NUP210L: variants seen among roughly 807,000 people sequenced by gnomAD.
NUP210L encodes nucleoporin 210 like.
In NUP210L, 74 loss-of-function variants were observed where a neutral mutation model predicts 208.5. The observed-to-expected ratio is 0.35, with a 90% confidence interval of 0.29 to 0.43. NUP210L has a LOEUF of 0.43. Ranked by LOEUF, NUP210L falls within the 20% of genes least tolerant of loss-of-function variation. NUP210L has a pLI of 1.00. For synonymous variants in NUP210L, 780 were observed against 816.9 expected, an observed-to-expected ratio of 0.95 and a Z score of 0.77; for missense variants, 1,843 against 2,289.4, an observed-to-expected ratio of 0.81 and a Z score of 3.98.
intron 37 of NUP210L, among the ~76,000 whole-genome samples, chr1:153,997,353 C>T (rs1649951814): frequency 6.6e-6 from 1 of 151,332 alleles, no homozygotes; most frequent in Non-Finnish European, 1.5e-5. Context: ...GTTGCGCAGG[C>T]TTGCCTTGAG....
intron 17 of NUP210L, among the ~76,000 whole-genome samples, chr1:154,063,657 A>T (rs11264974): frequency 0.27 from 41,605 of 152,076 alleles, 5,984 homozygotes; most frequent in Admixed American, 0.37. Flanking sequence ...AAATAAATGT[A>T]TGATAAATCA....
chr1:154,058,196 C>T (rs370139966), exon 22 of NUP210L: 4 of 1,613,960 alleles, frequency 2.5e-6, no homozygotes, highest in East Asian at 4.5e-5. Flanking sequence ...CAGTCACTAA[C>T]ACAGTTTTGT....
intron 10 of NUP210L, among the ~76,000 whole-genome samples, chr1:154,124,266 A>C (rs978420326): frequency 1.3e-5 from 2 of 151,624 alleles, no homozygotes; most frequent in Non-Finnish European, 2.9e-5. Flanking sequence ...TGGCATTTAG[A>C]ATTGACATGG....
chr1:154,094,719 G>A (rs968088407), intron 15 of NUP210L, among the ~76,000 whole-genome samples: 4 of 152,142 alleles, frequency 2.6e-5, no homozygotes, highest in Admixed American at 6.6e-5. Context: ...TGTTTAGTTC[G>A]TGAACTGCTG....
At chr1:153,996,231 G>A (rs946814216) in intron 37 of NUP210L, among the ~76,000 whole-genome samples, 3 of 152,062 alleles carry the variant, frequency 2.0e-5, no homozygotes, top group African/African-American at 7.2e-5. Flanking sequence ...GGCGGAGCTA[G>A]CAGTGAACCG....
intron 14 of NUP210L, among the ~76,000 whole-genome samples, chr1:154,099,053 T>C (rs1003971914): frequency 6.6e-6 from 1 of 152,270 alleles, no homozygotes; most frequent in East Asian, 1.9e-4. Flanking sequence ...GCGCCCAGGA[T>C]TGGCCCAACT....
At chr1:154,016,449 C>T (rs918911583) in intron 33 of NUP210L, among the ~76,000 whole-genome samples, 8 of 152,026 alleles carry the variant, frequency 5.3e-5, no homozygotes, top group African/African-American at 1.9e-4. Context: ...ACCTATCTCA[C>T]CTACTCAAGA....
intron 7 of NUP210L, among the ~76,000 whole-genome samples, chr1:154,133,929 C>T (rs1348424548): frequency 6.6e-6 from 1 of 151,800 alleles, no homozygotes; most frequent in Non-Finnish European, 1.5e-5. Flanking sequence ...GTGGGTGGAT[C>T]ATCTGAGGTC....
At chr1:154,140,019 G>A in intron 4 of NUP210L, 67 bp from the exon 5 acceptor site, 3 of 1,282,176 alleles carry the variant, frequency 2.3e-6, no homozygotes, top group Non-Finnish European at 3.3e-6. Context: ...AAGTCCCTAA[G>A]AGACTTTAAA....
chr1:153,995,067 G>A lies in NUP210L; in HGVS notation c.5491+9C>T, dbSNP rs1649750520. The A allele has an allele frequency of 6.5e-7, 1 of 1,540,892 alleles. No individual in the cohort carries two copies. The highest frequency in any genetic ancestry group is 8.9e-7 in the Non-Finnish European group (1 of 1,118,444). ...TCAAAGTCTATGTTATTGAATATAAGGACTCTACCTAGGAAGATGGAAGCT... is the reference window on the plus strand; with the variant it reads ...TCAAAGTCTATGTTATTGAATATAAAGACTCTACCTAGGAAGATGGAAGCT... On this transcript the variant is annotated intron_variant, in intron 38 of 39. Coordinates refer to ENST00000368559, the Ensembl canonical transcript of NUP210L.
At position 154,016,662 on chromosome 1, in the gene NUP210L, G is replaced by C. The variant is rs74447439; in HGVS notation, c.4653+2271C>G. ...ATCAAACATTCATTCAGGTCACTCTGTCTGGGCACAGTGGCTCACGCCTGT... is the reference window on the plus strand; with the variant it reads ...ATCAAACATTCATTCAGGTCACTCTCTCTGGGCACAGTGGCTCACGCCTGT... On this transcript the variant is annotated intron_variant, in intron 33 of 39. Coordinates refer to ENST00000368559, the Ensembl canonical transcript of NUP210L. Among the ~76,000 whole-genome samples the C allele has an allele frequency of 6.9e-3, 1,049 of 152,212 alleles. 8 individuals are homozygous for C. The highest frequency in any genetic ancestry group is 0.012 in the Non-Finnish European group (791 of 68,008).
chr1:154,054,709 T>TGA lies in NUP210L; in HGVS notation c.3303+59_3303+60dup, dbSNP rs373373242. 697 of 1,030,978 alleles carry TGA rather than the reference T, an allele frequency of 6.8e-4. 1 individual carries two copies. The highest frequency in any genetic ancestry group is 4.2e-4 in the Non-Finnish European group (280 of 670,934). The allele number at this position is 1,030,978 out of a possible 1,614,324, so 63.9% of individuals were successfully genotyped here. A position where few individuals can be genotyped will look rare whatever the true frequency, so the allele number is the denominator to read the frequency against. ...CAATAGGAAGAGAGGTGTGTGTGTG[T>TGA]GAGAGAGAGAGAGAGGTAAGGAGAA... is the stretch of plus-strand genomic sequence containing the variant. On this transcript the variant is annotated intron_variant, in intron 24 of 39. Coordinates refer to ENST00000368559, the Ensembl canonical transcript of NUP210L.
At chr1:154,033,762 T>C (rs1009681100) in intron 27 of NUP210L, among the ~76,000 whole-genome samples, 2 of 152,158 alleles carry the variant, frequency 1.3e-5, no homozygotes, top group Non-Finnish European at 2.9e-5. Context: ...ACTTTTACAA[T>C]TATTTTTTCT....
intron 27 of NUP210L, among the ~76,000 whole-genome samples, chr1:154,039,108 T>G (rs1332424186): frequency 6.6e-6 from 1 of 152,210 alleles, no homozygotes; most frequent in African/African-American, 2.4e-5. Flanking sequence ...GTGAGTTTTG[T>G]ATCTTCAGAT....
chr1:154,023,535 C>T (rs1364896342), intron 30 of NUP210L, among the ~76,000 whole-genome samples: 5 of 151,050 alleles, frequency 3.3e-5, no homozygotes, highest in Non-Finnish European at 7.4e-5. Context: ...TGGAGTGCAG[C>T]GGCATGATTT....
chr1:154,130,216 G>A (rs1175682618), intron 7 of NUP210L, among the ~76,000 whole-genome samples: 1 of 151,966 alleles, frequency 6.6e-6, no homozygotes, highest in Non-Finnish European at 1.5e-5. Flanking sequence ...GCAGGCACCC[G>A]TAATCTCAGC....
intron 12 of NUP210L, among the ~76,000 whole-genome samples, chr1:154,106,748 C>G (rs147851958): frequency 6.6e-6 from 1 of 152,210 alleles, no homozygotes; most frequent in East Asian, 1.9e-4. Context: ...CGGATCTTAC[C>G]TAAGACCACC....
At chr1:154,013,309 C>T (rs1285256042) in intron 33 of NUP210L, among the ~76,000 whole-genome samples, 1 of 152,208 alleles carries the variant, frequency 6.6e-6, no homozygotes, top group Admixed American at 6.5e-5. Context: ...TGCGGTGGCT[C>T]ATGCCTGTAA....
In NUP210L at chr1:154,090,439, A is replaced by G. The variant is rs199976028; in HGVS notation, c.2188-845T>C. Among the ~76,000 whole-genome samples the G allele has an allele frequency of 7.2e-5, 11 of 152,316 alleles. No homozygotes were observed. The East Asian group carries it at 2.1e-3, about 29-fold the overall frequency. ...TAAATAGCTCACTCAACAAACTAGG[A>G]AATGAAGGAAACTATCTCAACATGA... On this transcript the variant is annotated intron_variant, in intron 15 of 39. Transcript: ENST00000368559.
Sources: gnomAD v4.1 joint callset for allele counts (sites outside exome capture counted in the v4.1 genomes callset) on GRCh38, gnomAD v4.1.1 for gene constraint, MANE v1.5 for transcripts, NCBI Gene and HGNC (gene_info 2026-07-23, HGNC 2026-07-21) for gene names.